SEM1: variants seen among roughly 807,000 people sequenced by gnomAD.
The protein encoded by SEM1 is 26S proteasome complex subunit SEM1.
Under a neutral mutation model 12.7 loss-of-function variants are expected in SEM1, and 3 were observed. The ratio of observed to expected loss-of-function variants is 0.24; its 90% CI spans 0.11 to 0.61. The LOEUF is 0.61. Among genes scored for constraint, SEM1 ranks in the 20% least tolerant of loss-of-function variants. The probability of loss-of-function intolerance (pLI) is 0.88; values close to 1 mark genes in which losing one functional copy is unlikely to be tolerated. For missense variants in SEM1, 59 were observed against 81.3 expected, an observed-to-expected ratio of 0.73 and a Z score of 1.06; for synonymous variants, 30 against 27.8, an observed-to-expected ratio of 1.08 and a Z score of -0.25.
chr7:96,534,350 T>C (rs902557529), intron 2 of SEM1, among the ~76,000 whole-genome samples: 34 of 152,168 alleles, frequency 2.2e-4, no homozygotes, highest in African/African-American at 7.9e-4. Context: ...GTGATAGTAA[T>C]GAATGTGATC....
At chr7:96,668,325 T>G (rs1387812591) in intron 2 of SEM1, among the ~76,000 whole-genome samples, 1 of 152,184 alleles carries the variant, frequency 6.6e-6, no homozygotes, top group Non-Finnish European at 1.5e-5. Context: ...CCACATAATG[T>G]AGATTATGAA....
intron 1 of SEM1, among the ~76,000 whole-genome samples, chr7:96,709,221 C>T (rs1009618656): frequency 2.0e-5 from 3 of 152,198 alleles, no homozygotes; most frequent in African/African-American, 7.2e-5. Flanking sequence ...GTATCTTACC[C>T]TCCTATCCTA....
At chr7:96,485,670 G>A (rs1352634089) in intron 2 of SEM1, among the ~76,000 whole-genome samples, 2 of 147,610 alleles carry the variant, frequency 1.4e-5, no homozygotes, top group Admixed American at 7.0e-5. Context: ...AGCCTCCCAA[G>A]TAGCTGGGAC....
chr7:96,598,407 T>G (rs531759862), intron 2 of SEM1, among the ~76,000 whole-genome samples: 1 of 151,196 alleles, frequency 6.6e-6, no homozygotes, highest in Non-Finnish European at 1.5e-5. Context: ...TTTTTTTTTT[T>G]TTCCCCCAAA....
chr7:96,493,480 T>C (rs2117231329), intron 1 of SEM1, among the ~76,000 whole-genome samples: 1 of 152,246 alleles, frequency 6.6e-6, no homozygotes, highest in Non-Finnish European at 1.5e-5. Context: ...GTTTATTTCT[T>C]CAAAGTATCC....
intron 2 of SEM1, among the ~76,000 whole-genome samples, chr7:96,538,684 C>A (rs144273096): frequency 1.3e-5 from 2 of 151,724 alleles, no homozygotes; most frequent in Admixed American, 6.6e-5. Flanking sequence ...CAATATACTC[C>A]CATTGTTTAG....
chr7:96,488,510 T>C (rs1482986014), intron 1 of SEM1, among the ~76,000 whole-genome samples: 1 of 152,130 alleles, frequency 6.6e-6, no homozygotes, highest in African/African-American at 2.4e-5. Context: ...AAACTTGAGC[T>C]GAATATGTGA....
At chr7:96,590,309 A>T (rs1806789428) in intron 2 of SEM1, among the ~76,000 whole-genome samples, 1 of 152,180 alleles carries the variant, frequency 6.6e-6, no homozygotes, top group South Asian at 2.1e-4. Context: ...ACTTATCCTA[A>T]CAAATAGTTC....
intron 2 of SEM1, among the ~76,000 whole-genome samples, chr7:96,576,269 C>T (rs1018594219): frequency 5.3e-5 from 8 of 152,066 alleles, no homozygotes; most frequent in African/African-American, 1.9e-4. Context: ...TTATTTGTGA[C>T]TTATTCTAAA....
chr7:96,592,349 A>G (rs1227613464), intron 2 of SEM1, among the ~76,000 whole-genome samples: 1 of 152,056 alleles, frequency 6.6e-6, no homozygotes, highest in Non-Finnish European at 1.5e-5. Context: ...CTTGCCCCCA[A>G]CTGAGACCAA....
At chr7:96,637,173 G>A (rs1808453925) in intron 2 of SEM1, 1 of 151,980 alleles carries the variant, frequency 6.6e-6, no homozygotes, top group Non-Finnish European at 1.5e-5. Flanking sequence ...CTATCAGGAA[G>A]CCATGAAGTT....
rs113002610 is a variant in SEM1, at chr7:96,523,187, C to A, written c.171-16489G>T. Among the ~76,000 whole-genome samples the A allele has an allele frequency of 1.4e-3, 212 of 152,242 alleles. 1 individual carries two copies. The highest frequency in any genetic ancestry group is 2.3e-3 in the African/African-American group (96 of 41,556). ...CTAAACTTATAAATCCAGTCTCTCT[C>A]TATATATTTTTGCTTGCAAGAATCT... On this transcript the variant is annotated intron_variant and NMD_transcript_variant, in intron 2 of 3. Coordinates refer to the SEM1 transcript ENST00000466986.
chr7:96,602,622 C>A (rs537023805), intron 2 of SEM1, among the ~76,000 whole-genome samples: 2 of 152,282 alleles, frequency 1.3e-5, no homozygotes, highest in African/African-American at 4.8e-5. Context: ...CTGCCTTGAG[C>A]AAATCTAGTT....
chr7:96,514,337 C>T (rs76934043), intron 2 of SEM1, among the ~76,000 whole-genome samples: 5,278 of 152,144 alleles, frequency 0.035, 302 homozygotes, highest in African/African-American at 0.12. Context: ...CTCAGGCTCC[C>T]GATTAGCTAT....
chr7:96,546,247 G>A (rs1182989736), intron 2 of SEM1, among the ~76,000 whole-genome samples: 3 of 152,050 alleles, frequency 2.0e-5, no homozygotes, highest in African/African-American at 4.8e-5. Flanking sequence ...GATGATTCCT[G>A]TCTTTAAGGA....
chr7:96,576,108 T>C (rs77097232), intron 2 of SEM1, among the ~76,000 whole-genome samples: 361 of 152,334 alleles, frequency 2.4e-3, no homozygotes, highest in Admixed American at 2.8e-3. Flanking sequence ...TAATATTTCT[T>C]TGCTGTGAAT....
chr7:96,582,374 C>T (rs1384788532), intron 2 of SEM1, among the ~76,000 whole-genome samples: 2 of 150,144 alleles, frequency 1.3e-5, no homozygotes, highest in African/African-American at 2.5e-5. Context: ...TTCTGTTTGC[C>T]AGTATTTTAT....
In SEM1 at chr7:96,709,774, C is replaced by G. The variant is rs764692724; in HGVS notation, c.-11G>C. 1 of 1,613,526 alleles carries G rather than the reference C, an allele frequency of 6.2e-7. No individual in the cohort carries two copies. The highest frequency in any genetic ancestry group is 8.5e-7 in the Non-Finnish European group (1 of 1,179,690). On this transcript the variant is annotated 5_prime_UTR_variant, in exon 1 of 3. Coordinates refer to ENST00000248566, the MANE Select transcript of SEM1 (RefSeq NM_006304.2). ...CTTTTTCTCTGACATCTCGACTGTC[C>G]GCGCCCAACACCTCCCAGATAAGCA...
rs114101499 is a variant in SEM1 at position 96,663,324 on chromosome 7, G to A, written c.170+31474C>T. On this transcript the variant is annotated intron_variant, in intron 2 of 2. Coordinates refer to the SEM1 transcript ENST00000417009. ...AAGAGGAGGTAAGAGAGGAGGAAGA[G>A]TAGAATTACATTTATCAAAAAATAC... Among the ~76,000 whole-genome samples, 761 of 152,320 alleles carry A rather than the reference G, an allele frequency of 5.0e-3. 8 individuals carry two copies. Among genetic ancestry groups the A allele is most frequent in the African/African-American group, 0.017 (725 of 41,578 alleles).
Sources: allele counts gnomAD v4.1 joint callset (sites outside exome capture counted in the v4.1 genomes callset), GRCh38; gene constraint gnomAD v4.1.1; transcripts MANE v1.5; gene names NCBI Gene and HGNC (gene_info 2026-07-23, HGNC 2026-07-21).